CSMD1: variants seen among roughly 807,000 people sequenced by gnomAD.
The protein encoded by CSMD1 is CUB and Sushi multiple domains 1.
A neutral mutation model predicts 417.5 loss-of-function variants in CSMD1; 213 were observed. The ratio of observed to expected loss-of-function variants is 0.51; its 90% CI spans 0.46 to 0.57. The LOEUF is 0.57. CSMD1 is among the 20% of genes least tolerant of loss of function. The pLI is 0.00. For synonymous variants in CSMD1, 2,862 were observed against 1,736.8 expected (o/e 1.65, Z -16.11); for missense variants, 6,923 against 4,529.7 (o/e 1.53, Z -15.17).
chr8:4,946,674 G>C (rs965361363), intron 1 of CSMD1, among the ~76,000 whole-genome samples: 1 of 152,116 alleles, frequency 6.6e-6, no homozygotes, highest in Non-Finnish European at 1.5e-5. Context: ...AAGCAATGTG[G>C]TAACAATTGT....
intron 3 of CSMD1, among the ~76,000 whole-genome samples, chr8:4,171,676 A>G (rs1281038848): frequency 1.3e-5 from 2 of 151,968 alleles, no homozygotes; most frequent in Non-Finnish European, 2.9e-5. Flanking sequence ...AACTGGTAGA[A>G]TATTTAGAAC....
At chr8:3,746,338 C>A (rs113186696) in intron 6 of CSMD1, among the ~76,000 whole-genome samples, 5 of 152,282 alleles carry the variant, frequency 3.3e-5, no homozygotes, top group African/African-American at 1.2e-4. Context: ...CCAGTCACTG[C>A]CAAGTATTAA....
rs541335156 is a variant in CSMD1, at chr8:4,822,660, A to C, written c.85+171672T>G. Reference sequence around the variant, plus strand: ...AAAAGATACTTGAGATACTTTGTTCACAGTATTTATTTAAAATATAATTAG... The same window carrying C: ...AAAAGATACTTGAGATACTTTGTTCCCAGTATTTATTTAAAATATAATTAG... On this transcript the variant is annotated intron_variant, in intron 1 of 69. Transcript: ENST00000635120. 2.9e-4 allele frequency among the ~76,000 whole-genome samples: 44 copies of C among 152,270 alleles called. No individual in the cohort carries two copies. In the East Asian group the frequency reaches 7.5e-3, roughly 26 times the overall value.
At chr8:3,792,476 T>C (rs1334281366) in intron 5 of CSMD1, among the ~76,000 whole-genome samples, 1 of 152,182 alleles carries the variant, frequency 6.6e-6, no homozygotes, top group Non-Finnish European at 1.5e-5. Flanking sequence ...ACTTTTTGCC[T>C]TAAATGCCAA....
At chr8:4,129,794 G>A (rs893829332) in intron 3 of CSMD1, among the ~76,000 whole-genome samples, 4 of 151,872 alleles carry the variant, frequency 2.6e-5, no homozygotes, top group Admixed American at 6.6e-5. Flanking sequence ...TTCTCCATTT[G>A]TTACTCCAAC....
At chr8:3,761,896 T>C (rs1425831411) in intron 5 of CSMD1, among the ~76,000 whole-genome samples, 8 of 152,070 alleles carry the variant, frequency 5.3e-5, no homozygotes, top group Non-Finnish European at 1.2e-4. Flanking sequence ...CTGACAATGA[T>C]TTTTCTCCCT....
rs73660035 is a variant in CSMD1 at position 3,465,619 on chromosome 8, T to G, written c.1561+3093A>C. Among the ~76,000 whole-genome samples, 807 of 152,200 alleles carry G rather than the reference T, an allele frequency of 5.3e-3. 11 individuals are homozygous for G. The highest frequency in any genetic ancestry group is 0.018 in the African/African-American group (732 of 41,514). ...AGGGTTAGAAGTGTGATCCGAAGAT[T>G]TGAGGGTCCCCGAAATATTTTACAC... is the stretch of plus-strand genomic sequence containing the variant. On this transcript the variant is annotated intron_variant, in intron 12 of 69. Transcript: ENST00000635120.
chr8:3,494,844 G>A (rs556208302), intron 10 of CSMD1, among the ~76,000 whole-genome samples: 155 of 152,270 alleles, frequency 1.0e-3, no homozygotes, highest in African/African-American at 3.5e-3. Context: ...TTCTGAAATA[G>A]CGTAGAAAAG....
At chr8:2,960,198 C>T (rs1192267028) in intron 62 of CSMD1, among the ~76,000 whole-genome samples, 1 of 151,924 alleles carries the variant, frequency 6.6e-6, no homozygotes, top group Admixed American at 6.6e-5. Context: ...ATTTATATAC[C>T]TGAAAGTATT....
At chr8:4,490,028 C>G (rs545446636) in intron 2 of CSMD1, among the ~76,000 whole-genome samples, 1 of 145,470 alleles carries the variant, frequency 6.9e-6, no homozygotes, top group Admixed American at 7.3e-5. Context: ...ATTTACGATA[C>G]TCAGGTACCA....
intron 41 of CSMD1, among the ~76,000 whole-genome samples, chr8:3,136,418 C>A (rs1563075831): frequency 6.6e-6 from 1 of 151,954 alleles, no homozygotes; most frequent in Non-Finnish European, 1.5e-5. Context: ...GCGCTCCCCA[C>A]CATGCCCAGC....
chr8:4,597,005 G>C (rs1800318327), intron 2 of CSMD1, among the ~76,000 whole-genome samples: 1 of 152,104 alleles, frequency 6.6e-6, no homozygotes. Flanking sequence ...ATGATTCTGA[G>C]GCCTCCCAGC....
At chr8:3,018,990 T>G (rs946341255) in intron 51 of CSMD1, among the ~76,000 whole-genome samples, 2 of 152,196 alleles carry the variant, frequency 1.3e-5, no homozygotes, top group African/African-American at 4.8e-5. Flanking sequence ...CTATCCTGGC[T>G]CACTGCTACC....
intron 6 of CSMD1, among the ~76,000 whole-genome samples, chr8:3,729,946 AAAAAAAAAAAAAAAAC>A (rs1275237291): frequency 0.1 from 1,978 of 19,090 alleles, 192 homozygotes; most frequent in Admixed American, 0.2. Context: ...AAAAAAAAAA[AAAAAAAAAAAAAAAAC>A]AAAAACAGAA....
At chr8:4,845,520 A>G (rs943569272) in intron 1 of CSMD1, among the ~76,000 whole-genome samples, 4 of 152,196 alleles carry the variant, frequency 2.6e-5, no homozygotes, top group East Asian at 1.9e-4. Context: ...CTCCTCAACT[A>G]CGTATTTTGG....
intron 1 of CSMD1, among the ~76,000 whole-genome samples, chr8:4,878,004 T>C (rs143325940): frequency 3.1e-4 from 47 of 152,152 alleles, no homozygotes; most frequent in African/African-American, 1.1e-3. Context: ...TGTTCAGAAA[T>C]AGGACCTGTC....
At chr8:4,479,784 G>C (rs1453397638) in intron 2 of CSMD1, among the ~76,000 whole-genome samples, 1 of 151,620 alleles carries the variant, frequency 6.6e-6, no homozygotes, top group Non-Finnish European at 1.5e-5. Context: ...GAGAATTAGA[G>C]AAACCCCGTT....
intron 3 of CSMD1, among the ~76,000 whole-genome samples, chr8:4,205,562 T>A (rs1799928351): frequency 6.6e-6 from 1 of 152,232 alleles, no homozygotes; most frequent in African/African-American, 2.4e-5. Context: ...CGGAACTCAC[T>A]GAAGTGACAC....
chr8:4,882,237 T>C (rs997681235), intron 1 of CSMD1, among the ~76,000 whole-genome samples: 8 of 152,028 alleles, frequency 5.3e-5, no homozygotes, highest in Middle Eastern at 3.4e-3. Flanking sequence ...CAGCATCCTC[T>C]ACGTGCCCTG....
Sources: allele counts gnomAD v4.1 joint callset (sites outside exome capture counted in the v4.1 genomes callset), GRCh38; gene constraint gnomAD v4.1.1; transcripts MANE v1.5; gene names NCBI Gene and HGNC (gene_info 2026-07-23, HGNC 2026-07-21).